The following VAV3 variants were observed in gnomAD, a reference collection of about 807,000 sequenced individuals.
VAV3 encodes the protein vav guanine nucleotide exchange factor 3.
A neutral mutation model predicts 131.2 loss-of-function variants in VAV3; 94 were observed. The ratio of observed to expected loss-of-function variants is 0.72; its 90% CI spans 0.61 to 0.85. VAV3 has a LOEUF of 0.85. Among genes scored for constraint, VAV3 ranks in the 40% least tolerant of loss-of-function variants. The probability of loss-of-function intolerance (pLI) is 0.00; values close to 1 mark genes in which losing one functional copy is unlikely to be tolerated. For missense variants in VAV3, 939 were observed against 1,002.7 expected (o/e 0.94, Z 0.86); for synonymous variants, 349 against 342.0 (o/e 1.02, Z -0.22).
intron 18 of VAV3, among the ~76,000 whole-genome samples, chr1:107,686,323 A>G (rs1473924910): frequency 6.6e-6 from 1 of 152,168 alleles, no homozygotes; most frequent in East Asian, 1.9e-4. Flanking sequence ...AAAATTTAAA[A>G]AAAATTCACA....
chr1:107,853,592 T>G (rs1669329394), intron 2 of VAV3, among the ~76,000 whole-genome samples: 1 of 151,660 alleles, frequency 6.6e-6, no homozygotes, highest in Non-Finnish European at 1.5e-5. Flanking sequence ...AAAAAAAAAT[T>G]CATTTATAGT....
intron 20 of VAV3, among the ~76,000 whole-genome samples, chr1:107,635,261 A>T (rs572278856): frequency 2.3e-4 from 35 of 152,314 alleles, no homozygotes; most frequent in African/African-American, 7.9e-4. Flanking sequence ...AAAATGTAGC[A>T]GATATACACC....
Position 107,574,048 on chromosome 1 carries a change from C to T in VAV3, c.2501G>A (p.Arg834Lys), listed in dbSNP as rs745828611. Residue 834 changes from arginine (R) to lysine (K), a missense_variant and splice_region_variant, in exon 26 of 27, where the codon AGG becomes AAG. Coordinates refer to ENST00000370056, the MANE Select transcript of VAV3 (RefSeq NM_006113.5). Reference protein sequence around the residue: ...NGWWRGEVNGRVGWFPSTYVE... With the variant: ...NGWWRGEVNGKVGWFPSTYVE... ...AGCACATCGAGAGGGCCAACTTACC[C>T]TGCCATTTACTTCTCCTCTCCACCA... is the stretch of plus-strand genomic sequence containing the variant. The T allele has an allele frequency of 6.2e-7, 1 of 1,613,848 alleles. No homozygotes were observed. The highest frequency in any genetic ancestry group is 1.1e-5 in the South Asian group (1 of 90,998).
At chr1:107,701,971 T>G (rs1044909554) in intron 17 of VAV3, among the ~76,000 whole-genome samples, 3 of 152,298 alleles carry the variant, frequency 2.0e-5, no homozygotes, top group Admixed American at 2.0e-4. Context: ...CCAACCTCTA[T>G]CCATTACCCA....
chr1:107,864,442 C>G (rs1410041270), intron 2 of VAV3, among the ~76,000 whole-genome samples: 1 of 151,952 alleles, frequency 6.6e-6, no homozygotes, highest in Non-Finnish European at 1.5e-5. Context: ...GGCAACATGG[C>G]AAAACCCTGT....
At chr1:107,653,184 G>A (rs754130753) in intron 19 of VAV3, among the ~76,000 whole-genome samples, 9 of 151,488 alleles carry the variant, frequency 5.9e-5, no homozygotes, top group Admixed American at 6.6e-5. Flanking sequence ...ATTTCTGACT[G>A]GCAAAGTTTC....
At chr1:107,581,812 T>C (rs2101009470) in intron 25 of VAV3, among the ~76,000 whole-genome samples, 1 of 152,338 alleles carries the variant, frequency 6.6e-6, no homozygotes, top group East Asian at 1.9e-4. Context: ...ATTTACTCAG[T>C]TTTCAGTAAT....
chr1:107,788,620 G>A (rs373958365), intron 2 of VAV3, among the ~76,000 whole-genome samples: 3 of 152,058 alleles, frequency 2.0e-5, no homozygotes, highest in Non-Finnish European at 2.9e-5. Flanking sequence ...ACCATCCCCC[G>A]GTCCAAATAG....
In VAV3 at chr1:107,681,862, G is replaced by A. The variant is rs144473105; in HGVS notation, c.1777+1626C>T. On this transcript the variant is annotated intron_variant, in intron 19 of 26. Coordinates refer to ENST00000370056, the MANE Select transcript of VAV3 (RefSeq NM_006113.5). ...TTTTTAGTAGAGATGGGGTTTCACC[G>A]TGTTAGCCAGGATGGTCTCCATCTC... Among the ~76,000 whole-genome samples the A allele has an allele frequency of 7.7e-3, 1,164 of 151,914 alleles. 17 individuals carry two copies. Among genetic ancestry groups the A allele is most frequent in the African/African-American group, 0.026 (1,086 of 41,436 alleles).
chr1:107,867,839 G>T (rs1670071407), intron 2 of VAV3, among the ~76,000 whole-genome samples: 1 of 152,204 alleles, frequency 6.6e-6, no homozygotes, highest in Non-Finnish European at 1.5e-5. Context: ...GAGACTGGAA[G>T]TTGGTACCCT....
chr1:107,858,215 A>T (rs1669563772), intron 2 of VAV3, among the ~76,000 whole-genome samples: 1 of 152,144 alleles, frequency 6.6e-6, no homozygotes, highest in African/African-American at 2.4e-5. Context: ...CTTTCTTCCC[A>T]TTTCTTTGCT....
At chr1:107,851,171 CAAA>C (rs35609784) in intron 2 of VAV3, among the ~76,000 whole-genome samples, 4 of 68,486 alleles carry the variant, frequency 5.8e-5, no homozygotes, top group Admixed American at 1.5e-4. Context: ...GACTCCGTCT[CAAA>C]AAAAAAAAAA....
chr1:107,704,987 G>A lies in VAV3; in HGVS notation c.1577C>T (p.Ser526Phe), dbSNP rs769529524. The A allele has an allele frequency of 1.5e-5, 24 of 1,613,828 alleles. No homozygotes were observed. In the Admixed American group the frequency reaches 3.2e-4, roughly 21 times the overall value. The change falls in exon 16 of 27, where the codon TCC becomes TTC. Residue 526 changes from serine to phenylalanine, a missense_variant. Ser to Phe is a radical substitution (Grantham distance 155, BLOSUM62 -2). Coordinates refer to ENST00000370056, the MANE Select transcript of VAV3 (RefSeq NM_006113.5). ...FKMHTFTRVT[S>F]CKVCQMLLRG... ...CAGGAGCATCTGGCAGACTTTGCAG[G>A]ATGTGACTCGAGTGAAGGTATGCAT...
chr1:107,902,775 T>A (rs1254802771), intron 1 of VAV3, among the ~76,000 whole-genome samples: 6 of 151,988 alleles, frequency 3.9e-5, no homozygotes, highest in Non-Finnish European at 8.8e-5. Context: ...CAAATAAAAT[T>A]AAAGAATTAA....
intron 1 of VAV3, among the ~76,000 whole-genome samples, chr1:107,938,593 T>G (rs1036736656): frequency 1.3e-5 from 2 of 152,178 alleles, no homozygotes; most frequent in African/African-American, 4.8e-5. Flanking sequence ...AAGTGCCCAG[T>G]GGATGACTTG....
chr1:107,687,843 T>TTACATACA (rs1260263842), intron 18 of VAV3, among the ~76,000 whole-genome samples: 1 of 152,124 alleles, frequency 6.6e-6, no homozygotes, highest in African/African-American at 2.4e-5. Flanking sequence ...GTAACATGGA[T>TTACATACA]TACATACTTC....
At chr1:107,878,929 C>G (rs1052341497) in intron 1 of VAV3, among the ~76,000 whole-genome samples, 1 of 152,028 alleles carries the variant, frequency 6.6e-6, no homozygotes. Context: ...CTCTATCATT[C>G]TTTTCTTACT....
chr1:107,576,230 C>T (rs551977413), intron 25 of VAV3, among the ~76,000 whole-genome samples: 19 of 151,816 alleles, frequency 1.3e-4, no homozygotes, highest in Admixed American at 2.6e-4. Context: ...TCATGATGAA[C>T]GGTGACTATG....
intron 1 of VAV3, among the ~76,000 whole-genome samples, chr1:107,916,958 A>T (rs1672651346): frequency 6.6e-6 from 1 of 152,130 alleles, no homozygotes. Context: ...AGGGGATGTA[A>T]AGTGTGAAGG....
Sources: gnomAD v4.1 joint callset for allele counts (sites outside exome capture counted in the v4.1 genomes callset) on GRCh38, gnomAD v4.1.1 for gene constraint, MANE v1.5 for transcripts, NCBI Gene and HGNC (gene_info 2026-07-23, HGNC 2026-07-21) for gene names.